Variants in HBD observed in about 807,000 individuals in gnomAD.
The protein encoded by HBD is hemoglobin subunit delta.
Under a neutral mutation model 9.2 loss-of-function variants are expected in HBD, and 11 were observed. The observed-to-expected ratio is 1.20, with a 90% CI of 0.76 to 1.99. The LOEUF (loss-of-function observed/expected upper bound fraction) is 1.99, where lower values mean the gene tolerates loss of function less well. Among genes scored for constraint, HBD ranks in the 30% most tolerant of loss-of-function variants. HBD has a pLI of 0.00. For missense variants in HBD, 189 were observed against 174.3 expected, an observed-to-expected ratio of 1.08 and a Z score of -0.47; for synonymous variants, 83 against 69.4, an observed-to-expected ratio of 1.20 and a Z score of -0.98.
chr11:5,234,042 C>T lies in HBD; in HGVS notation c.264G>A (p.Gln88=). 1 of 1,614,076 alleles carries T rather than the reference C, an allele frequency of 6.2e-7. No individual in the cohort carries two copies. The highest frequency in any genetic ancestry group is 1.1e-5 in the South Asian group (1 of 91,080). Residue 88 remains glutamine, a synonymous_variant, in exon 2 of 3, where the codon CAG becomes CAA. Transcript: ENST00000650601. ...GCTTGTCACAGTGCAGCTCACTCAGCTGAGAAAAAGTGCCCTTGAGGTTGT... is the reference window on the plus strand; with the variant it reads ...GCTTGTCACAGTGCAGCTCACTCAGTTGAGAAAAAGTGCCCTTGAGGTTGT... The part of the protein sequence containing the change: ...HLDNLKGTFS[Q]LSELHCDKLH...
At position 5,234,159 on chromosome 11, in the gene HBD, C is replaced by A. The variant is rs905938293; in HGVS notation, c.147G>T (p.Leu49=). The A allele has an allele frequency of 2.5e-6, 4 of 1,613,958 alleles. No individual in the cohort carries two copies. The African/African-American group carries it at 4.0e-5, about 16-fold the overall frequency. ...TQRFFESFGD[L]SSPDAVMGNP... is the part of the protein sequence containing the mutation. ...TGCCCATAACAGCATCAGGAGAGGA[C>A]AGATCCCCAAAGGACTCAAAGAACC... is the stretch of plus-strand genomic sequence containing the variant. The change falls in exon 2 of 3, where the codon CTG becomes CTT. Residue 49 remains leucine, a synonymous_variant. Transcript: ENST00000650601.
At chr11:5,233,423 A>AC (rs1463531603) in intron 2 of HBD, among the ~76,000 whole-genome samples, 1 of 152,184 alleles carries the variant, frequency 6.6e-6, no homozygotes, top group Non-Finnish European at 1.5e-5. Flanking sequence ...ATTACTATAA[A>AC]CAGATTAATA....
In HBD at chr11:5,232,976, G is replaced by A; in HGVS notation, c.432C>T (p.His144=). 6.2e-7 allele frequency: 1 copy of A among 1,614,012 alleles called. No individual in the cohort carries two copies. The highest frequency in any genetic ancestry group is 2.2e-5 in the East Asian group (1 of 44,894). The change falls in exon 3 of 3, where the codon CAC becomes CAT. Residue 144 remains histidine, a synonymous_variant. Transcript: ENST00000650601. The part of the protein sequence containing the change: ...VVAGVANALA[H]KYH ...ACAGTCCAGGATCTCAATGGTACTT[G>A]TGAGCCAGGGCATTAGCCACACCAG...
At chr11:5,234,272 G>A in intron 1 of HBD, 59 bp from the exon 2 acceptor site, 1 of 1,594,586 alleles carries the variant, frequency 6.3e-7, no homozygotes. Context: ...AAACCCAAGA[G>A]TCTTCTCTGT....
Position 5,234,132 on chromosome 11 carries a change from G to T in HBD, c.174C>A (p.Asn58Lys), listed in dbSNP as rs35666685. 8.7e-6 allele frequency: 14 copies of T among 1,614,022 alleles called. No homozygotes were observed. The highest frequency in any genetic ancestry group is 1.2e-5 in the Non-Finnish European group (14 of 1,179,996). The change falls in exon 2 of 3, where the codon AAC becomes AAA. Residue 58 changes from asparagine to lysine, a missense_variant. Coordinates refer to ENST00000650601, the MANE Select transcript of HBD (RefSeq NM_000519.4). ...TCTTGCCATGAGCCTTCACCTTAGG[G>T]TTGCCCATAACAGCATCAGGAGAGG... ...DLSSPDAVMG[N>K]PKVKAHGKKV...
rs770433973 is a variant in HBD at position 5,233,078 on chromosome 11, C to T, written c.330G>A (p.Val110=). ...DPENFRLLGN[V]LVCVLARNFG... ...AGTTGCGGGCCAGCACACACACCAG[C>T]ACATTGCCCAAGAGCTGCGGAGAAG... The change falls in exon 3 of 3, where the codon GTG becomes GTA. Residue 110 remains valine, a synonymous_variant. Transcript: ENST00000650601. 1.2e-5 allele frequency: 19 copies of T among 1,613,914 alleles called. No homozygotes were observed. The highest frequency in any genetic ancestry group is 1.5e-5 in the Non-Finnish European group (18 of 1,179,960).
Position 5,234,426 on chromosome 11 carries a change from T to C in HBD, c.8A>G (p.His3Arg), listed in dbSNP as rs35433207. 1.2e-6 allele frequency: 2 copies of C among 1,611,704 alleles called. No homozygotes were observed. Among genetic ancestry groups the C allele is most frequent in the Non-Finnish European group, 1.7e-6 (2 of 1,177,764 alleles). ...AGCAGTCTTCTCCTCAGGAGTCAGATGCACCATGGTGTCTGTTTGAGGTTG... is the reference window on the plus strand; with the variant it reads ...AGCAGTCTTCTCCTCAGGAGTCAGACGCACCATGGTGTCTGTTTGAGGTTG... MV[H>R]LTPEEKTAVN... The change falls in exon 1 of 3, where the codon CAT (histidine) becomes CGT (arginine). Residue 3 changes from histidine (H) to arginine (R), a missense_variant. Coordinates refer to ENST00000650601, the MANE Select transcript of HBD (RefSeq NM_000519.4).
At chr11:5,233,155 G>A in intron 2 of HBD, 63 bp from the exon 3 acceptor site, 1 of 1,584,470 alleles carries the variant, frequency 6.3e-7, no homozygotes, top group Non-Finnish European at 8.7e-7. Flanking sequence ...ACTGGCTTCT[G>A]AGAAACTGAG....
intron 2 of HBD, 73 bp from the exon 3 acceptor site, chr11:5,233,165 G>C (rs1239825019): frequency 1.9e-6 from 3 of 1,544,926 alleles, no homozygotes; most frequent in Admixed American, 3.4e-5. Flanking sequence ...GAGAAACTGA[G>C]CCAACACCCA....
At position 5,234,063 on chromosome 11, in the gene HBD, G is replaced by C. The variant is rs1156969829; in HGVS notation, c.243C>G (p.Asn81Lys). ...AFSDGLAHLD[N>K]LKGTFSQLSE... Reference sequence around the variant, plus strand: ...TCAGCTGAGAAAAAGTGCCCTTGAGGTTGTCCAGGTGAGCCAGGCCATCAC... The same window carrying C: ...TCAGCTGAGAAAAAGTGCCCTTGAGCTTGTCCAGGTGAGCCAGGCCATCAC... Residue 81 changes from asparagine to lysine, a missense_variant, in exon 2 of 3, where the codon AAC becomes AAG. Asn to Lys is a moderately conservative substitution (Grantham distance 94). Coordinates refer to ENST00000650601, the MANE Select transcript of HBD (RefSeq NM_000519.4). 1 of 1,614,042 alleles carries C rather than the reference G, an allele frequency of 6.2e-7. No individual in the cohort carries two copies. Among genetic ancestry groups the C allele is most frequent in the South Asian group, 1.1e-5 (1 of 91,074 alleles).
In HBD at chr11:5,233,124, A is replaced by G. The variant is rs73400692; in HGVS notation, c.316-32T>C. The G allele has an allele frequency of 3.2e-3, 5,197 of 1,612,926 alleles. 157 individuals carry two copies. The African/African-American group carries it at 0.061, about 19-fold the overall frequency. On this transcript the variant is annotated intron_variant, in intron 2 of 2. Coordinates refer to ENST00000650601, the MANE Select transcript of HBD (RefSeq NM_000519.4). ...AGAAGAGGTAGGCAGATACATGCATATGGTTAACAGAGAAATAAAGACTGG... is the reference window on the plus strand; with the variant it reads ...AGAAGAGGTAGGCAGATACATGCATGTGGTTAACAGAGAAATAAAGACTGG...
rs149742302 is a variant in HBD, at chr11:5,232,997, A to G, written c.411T>C (p.Gly137=). 4.3e-6 allele frequency: 7 copies of G among 1,613,894 alleles called. No individual in the cohort carries two copies. In the African/African-American group the frequency reaches 9.3e-5, roughly 22 times the overall value. ...MQAAYQKVVA[G]VANALAHKYH ...ACTTGTGAGCCAGGGCATTAGCCAC[A>G]CCAGCCACCACCTTCTGATAGGCAG... Residue 137 remains glycine (G), a synonymous_variant, in exon 3 of 3, where the codon GGT becomes GGC. Coordinates refer to ENST00000650601, the MANE Select transcript of HBD (RefSeq NM_000519.4).
At chr11:5,233,227 A>G in intron 2 of HBD, 135 bp from the exon 3 acceptor site, 1 of 799,334 alleles carries the variant, frequency 1.3e-6, no homozygotes, top group Admixed American at 2.0e-5. Context: ...TATTCCCATC[A>G]GCATAAATAA....
At position 5,233,053 on chromosome 11, in the gene HBD, A is replaced by C. The variant is rs1034732354; in HGVS notation, c.355T>G (p.Phe119Val). 1 of 1,614,090 alleles carries C rather than the reference A, an allele frequency of 6.2e-7. No individual in the cohort carries two copies. The highest frequency in any genetic ancestry group is 1.3e-5 in the African/African-American group (1 of 75,032). The change falls in exon 3 of 3, where the codon TTT (phenylalanine) becomes GTT (valine). Residue 119 changes from phenylalanine (F) to valine (V), a missense_variant. Physicochemically the swap from Phe to Val is conservative, Grantham distance 50. Coordinates refer to ENST00000650601, the MANE Select transcript of HBD (RefSeq NM_000519.4). ...ATTTGTGGGGTGAATTCCTTGCCAA[A>C]GTTGCGGGCCAGCACACACACCAGC... ...NVLVCVLARN[F>V]GKEFTPQMQA... is the part of the protein sequence containing the mutation.
intron 1 of HBD, 40 bp downstream of exon 1, chr11:5,234,302 A>G (rs774952470): frequency 1.9e-6 from 3 of 1,602,272 alleles, no homozygotes; most frequent in East Asian, 2.2e-5. Context: ...CCCAGTTTCC[A>G]TTTGCCTCCT....
intron 2 of HBD, 79 bp from the exon 3 acceptor site, chr11:5,233,171 A>T: frequency 6.6e-7 from 1 of 1,526,106 alleles, no homozygotes; most frequent in Admixed American, 1.7e-5. Context: ...CTGAGCCAAC[A>T]CCCATTTTTT....
At position 5,234,434 on chromosome 11, in the gene HBD, G is replaced by C; in HGVS notation, c.-1C>G. 1 of 1,610,290 alleles carries C rather than the reference G, an allele frequency of 6.2e-7. No homozygotes were observed. ...TCTCCTCAGGAGTCAGATGCACCAT[G>C]GTGTCTGTTTGAGGTTGCTAGTGAA... On this transcript the variant is annotated 5_prime_UTR_variant, in exon 1 of 3. Transcript: ENST00000650601.
chr11:5,234,069 C>CA lies in HBD; in HGVS notation c.236dup (p.Asp80GlyfsTer12). 1 of 1,614,068 alleles carries CA rather than the reference C, an allele frequency of 6.2e-7. No individual in the cohort carries two copies. Among genetic ancestry groups the CA allele is most frequent in the African/African-American group, 1.3e-5 (1 of 75,002 alleles). On this transcript the variant is annotated frameshift_variant, in exon 2 of 3. Coordinates refer to ENST00000650601, the MANE Select transcript of HBD (RefSeq NM_000519.4). LOFTEE classifies it high-confidence loss of function. Reference sequence around the variant, plus strand: ...GAGAAAAAGTGCCCTTGAGGTTGTCCAGGTGAGCCAGGCCATCACTAAAGG... The same window carrying CA: ...GAGAAAAAGTGCCCTTGAGGTTGTCCAAGGTGAGCCAGGCCATCACTAAAGG...
At position 5,234,365 on chromosome 11, in the gene HBD, T is replaced by A; in HGVS notation, c.69A>T (p.Ala23=). 1 of 1,613,936 alleles carries A rather than the reference T, an allele frequency of 6.2e-7. No individual in the cohort carries two copies. Among genetic ancestry groups the A allele is most frequent in the Non-Finnish European group, 8.5e-7 (1 of 1,179,848 alleles). ...NALWGKVNVD[A]VGGEALGRLL... is the part of the protein sequence containing the mutation. ...ACCTGCCCAGGGCCTCACCACCAAC[T>A]GCATCCACGTTCACTTTGCCCCACA... The change falls in exon 1 of 3, where the codon GCA becomes GCT. Residue 23 remains alanine, a synonymous_variant. Transcript: ENST00000650601.
Sources: gnomAD v4.1 joint callset for allele counts (sites outside exome capture counted in the v4.1 genomes callset) on GRCh38, gnomAD v4.1.1 for gene constraint, MANE v1.5 for transcripts, NCBI Gene and HGNC (gene_info 2026-07-23, HGNC 2026-07-21) for gene names.